GLRX3: variants seen among roughly 807,000 people sequenced by gnomAD.
GLRX3 encodes glutaredoxin 3, also known as glutaredoxin-3.
GLRX3 carries 22 observed loss-of-function variants against 49.5 expected under a neutral mutation model. That is an observed-to-expected ratio of 0.44 (90% CI 0.32 to 0.63). The LOEUF (loss-of-function observed/expected upper bound fraction) is 0.63, where lower values mean the gene tolerates loss of function less well. GLRX3 is among the 30% of genes least tolerant of loss of function. The pLI, the probability that GLRX3 is intolerant of heterozygous loss-of-function variation, is 0.05. For missense variants in GLRX3, 385 were observed against 396.3 expected, an observed-to-expected ratio of 0.97 and a Z score of 0.24; for synonymous variants, 133 against 140.0, an observed-to-expected ratio of 0.95 and a Z score of 0.35.
chr10:130,173,495 T>C (rs1352954367), intron 8 of GLRX3, among the ~76,000 whole-genome samples: 1 of 152,202 alleles, frequency 6.6e-6, no homozygotes, highest in Non-Finnish European at 1.5e-5. Flanking sequence ...TTCTTATCTT[T>C]TCCTTTAGTA....
chr10:130,145,816 T>TTC (rs1862261252), intron 2 of GLRX3, among the ~76,000 whole-genome samples: 1 of 149,692 alleles, frequency 6.7e-6, no homozygotes, highest in African/African-American at 2.5e-5. Context: ...TTTTTTTTTT[T>TTC]TTTGAGACAG....
intron 7 of GLRX3, among the ~76,000 whole-genome samples, chr10:130,169,854 T>A (rs1437046691): frequency 6.6e-6 from 1 of 152,246 alleles, no homozygotes; most frequent in Non-Finnish European, 1.5e-5. Context: ...GGGAACCTGG[T>A]CGTGCTTGGG....
intron 1 of GLRX3, among the ~76,000 whole-genome samples, chr10:130,141,225 C>A (rs1862168097): frequency 6.6e-6 from 1 of 151,956 alleles, no homozygotes; most frequent in South Asian, 2.1e-4. Flanking sequence ...GGAGGATCAC[C>A]TGAGCCCAGG....
intron 2 of GLRX3, among the ~76,000 whole-genome samples, chr10:130,147,990 A>G (rs766700779): frequency 4.6e-5 from 7 of 152,182 alleles, no homozygotes; most frequent in Non-Finnish European, 1.0e-4. Flanking sequence ...AGGCGGTCAC[A>G]CCACTGGACG....
intron 6 of GLRX3, among the ~76,000 whole-genome samples, chr10:130,168,636 CGG>C (rs1554957701): frequency 6.6e-6 from 1 of 152,136 alleles, no homozygotes; most frequent in Non-Finnish European, 1.5e-5. Context: ...TTAGTGGAGA[CGG>C]GGTTTCACCG....
intron 10 of GLRX3, among the ~76,000 whole-genome samples, chr10:130,177,231 G>T (rs1392034230): frequency 6.6e-6 from 1 of 152,194 alleles, no homozygotes; most frequent in Non-Finnish European, 1.5e-5. Flanking sequence ...ACTGAATGAT[G>T]ATTTAGTTAC....
chr10:130,173,543 G>A (rs1316197976), intron 8 of GLRX3, among the ~76,000 whole-genome samples: 1 of 152,192 alleles, frequency 6.6e-6, no homozygotes, highest in Non-Finnish European at 1.5e-5. Flanking sequence ...AGAACCAAGT[G>A]TATATTGAGG....
intron 6 of GLRX3, among the ~76,000 whole-genome samples, chr10:130,167,370 C>G (rs1335135140): frequency 1.3e-5 from 2 of 152,206 alleles, no homozygotes; most frequent in Non-Finnish European, 2.9e-5. Flanking sequence ...GCCCCAACGC[C>G]AGAGCACTGA....
At chr10:130,140,401 G>A (rs1862150868) in intron 1 of GLRX3, among the ~76,000 whole-genome samples, 1 of 152,138 alleles carries the variant, frequency 6.6e-6, no homozygotes, top group African/African-American at 2.4e-5. Context: ...GTTTATATTT[G>A]TTTCAGATAT....
intron 2 of GLRX3, among the ~76,000 whole-genome samples, chr10:130,156,396 G>A (rs142446458): frequency 1.2e-4 from 18 of 152,284 alleles, no homozygotes; most frequent in African/African-American, 3.8e-4. Context: ...CACCTTTGAT[G>A]TTAATTTCCA....
intron 2 of GLRX3, among the ~76,000 whole-genome samples, chr10:130,158,949 T>C (rs1374553579): frequency 6.6e-6 from 1 of 152,112 alleles, no homozygotes; most frequent in Non-Finnish European, 1.5e-5. Context: ...AAAAGCCAAA[T>C]ACATAGTACT....
At chr10:130,137,069 G>C (rs974049399) in intron 1 of GLRX3, among the ~76,000 whole-genome samples, 1 of 152,048 alleles carries the variant, frequency 6.6e-6, no homozygotes, top group Non-Finnish European at 1.5e-5. Context: ...CGTTGCATTA[G>C]CTAGGCCTGG....
rs1165022114 is a variant in GLRX3 at position 130,157,515 on chromosome 10, C to G, written c.202-2480C>G. On this transcript the variant is annotated intron_variant, in intron 2 of 10. Coordinates refer to ENST00000331244, the MANE Select transcript of GLRX3 (RefSeq NM_006541.5). ...GCCGCCCCCCCCCCCCCCCCCCCCC[C>G]CCGCCCATATTGGGTGAGAATGGAT... Among the ~76,000 whole-genome samples, 17 of 40,536 alleles carry G rather than the reference C, an allele frequency of 4.2e-4. 2 individuals carry two copies. Among genetic ancestry groups the G allele is most frequent in the African/African-American group, 1.2e-3 (17 of 14,094 alleles). 26.6% of individuals were successfully genotyped at this position (40,536 alleles called of 152,430 possible). A position where few individuals can be genotyped will look rare whatever the true frequency, so the allele number is the denominator to read the frequency against.
At chr10:130,174,574 C>G (rs1030185557) in intron 8 of GLRX3, among the ~76,000 whole-genome samples, 3 of 152,242 alleles carry the variant, frequency 2.0e-5, no homozygotes, top group African/African-American at 4.8e-5. Flanking sequence ...CAGAGACTGT[C>G]TGGCCTGTAA....
chr10:130,168,902 A>G (rs1481148946), intron 6 of GLRX3, among the ~76,000 whole-genome samples: 1 of 152,212 alleles, frequency 6.6e-6, no homozygotes, highest in Non-Finnish European at 1.5e-5. Context: ...TCCTGACAGC[A>G]TGTTAGATTA....
intron 7 of GLRX3, 64 bp from the exon 8 acceptor site, chr10:130,171,520 A>G: frequency 1.1e-6 from 1 of 875,260 alleles, no homozygotes; most frequent in South Asian, 1.3e-5. Context: ...CAAGAGTATT[A>G]GGTACAACCA....
At chr10:130,176,919 A>G (rs1262585444) in intron 10 of GLRX3, among the ~76,000 whole-genome samples, 2 of 152,168 alleles carry the variant, frequency 1.3e-5, no homozygotes, top group African/African-American at 4.8e-5. Flanking sequence ...TCTTGGGAAG[A>G]TACAATCAAT....
intron 6 of GLRX3, among the ~76,000 whole-genome samples, chr10:130,167,330 G>T (rs757100816): frequency 1.7e-4 from 26 of 152,130 alleles, no homozygotes; most frequent in Non-Finnish European, 3.4e-4. Context: ...TGTTTTACTG[G>T]GTGCAGCCTT....
chr10:130,178,777 A>G (rs570446615), intron 10 of GLRX3, among the ~76,000 whole-genome samples: 250 of 152,258 alleles, frequency 1.6e-3, no homozygotes, highest in African/African-American at 5.8e-3. Flanking sequence ...ATCTTGGCTC[A>G]CTACAATCTC....
Sources: allele counts gnomAD v4.1 joint callset (sites outside exome capture counted in the v4.1 genomes callset), GRCh38; gene constraint gnomAD v4.1.1; transcripts MANE v1.5; gene names NCBI Gene and HGNC (gene_info 2026-07-23, HGNC 2026-07-21).